Variants in MAP7 observed in about 807,000 individuals in gnomAD.
The protein encoded by MAP7 is microtubule associated protein 7.
Under a neutral mutation model 94.8 loss-of-function variants are expected in MAP7, and 52 were observed. That is an observed-to-expected ratio of 0.55 (90% CI 0.44 to 0.69). The LOEUF is 0.69. Among genes scored for constraint, MAP7 ranks in the 30% least tolerant of loss-of-function variants. The pLI is 0.00. For synonymous variants in MAP7, 350 were observed against 357.0 expected (o/e 0.98, Z 0.22); for missense variants, 940 against 964.6 (o/e 0.97, Z 0.34).
At chr6:136,375,985 A>G (rs1226880194) in intron 7 of MAP7, among the ~76,000 whole-genome samples, 2 of 152,250 alleles carry the variant, frequency 1.3e-5, no homozygotes, top group South Asian at 2.1e-4. Flanking sequence ...TGACAAAAAT[A>G]GTAAAGACAA....
intron 3 of MAP7, among the ~76,000 whole-genome samples, chr6:136,391,014 T>C (rs551129424): frequency 6.6e-6 from 1 of 152,290 alleles, no homozygotes; most frequent in Non-Finnish European, 1.5e-5. Flanking sequence ...GTCTTCAAGG[T>C]TCCTACCAAT....
In MAP7 at chr6:136,479,952, A is replaced by G. The variant is rs918618710; in HGVS notation, c.68-58153T>C. 4.5e-4 allele frequency among the ~76,000 whole-genome samples: 69 copies of G among 152,212 alleles called. 1 individual carries two copies. Among genetic ancestry groups the G allele is most frequent in the African/African-American group, 1.5e-3 (62 of 41,450 alleles). On this transcript the variant is annotated intron_variant, in intron 1 of 17. Coordinates refer to ENST00000354570, the MANE Select transcript of MAP7 (RefSeq NM_003980.6). ...AGTGCCCAGATTCAATGCAATTCCTATCAAAATACCAATGACATTCTTCAC... is the reference window on the plus strand; with the variant it reads ...AGTGCCCAGATTCAATGCAATTCCTGTCAAAATACCAATGACATTCTTCAC...
intron 1 of MAP7, among the ~76,000 whole-genome samples, chr6:136,516,881 G>A (rs550254046): frequency 6.6e-6 from 1 of 151,422 alleles, no homozygotes; most frequent in South Asian, 2.1e-4. Flanking sequence ...GCAGAAACCT[G>A]TCCATTAGCA....
intron 3 of MAP7, among the ~76,000 whole-genome samples, chr6:136,404,292 G>T (rs916870337): frequency 1.3e-5 from 2 of 151,042 alleles, no homozygotes; most frequent in African/African-American, 4.9e-5. Flanking sequence ...TAGTACTGCC[G>T]TCACTCACTG....
chr6:136,540,014 T>C (rs1157981611), intron 1 of MAP7, among the ~76,000 whole-genome samples: 1 of 152,070 alleles, frequency 6.6e-6, no homozygotes, highest in Non-Finnish European at 1.5e-5. Flanking sequence ...GACATTTCAG[T>C]GTGTAGAGCC....
chr6:136,504,381 C>G (rs538352249), intron 1 of MAP7, among the ~76,000 whole-genome samples: 7 of 151,942 alleles, frequency 4.6e-5, no homozygotes, highest in Admixed American at 3.9e-4. Flanking sequence ...CAGAGCCTCA[C>G]TCTGTCACCC....
chr6:136,410,515 C>A (rs2128737654), intron 3 of MAP7, among the ~76,000 whole-genome samples: 1 of 152,238 alleles, frequency 6.6e-6, no homozygotes, highest in Non-Finnish European at 1.5e-5. Flanking sequence ...TGCAGGGAAC[C>A]CATCAGGCCA....
At chr6:136,530,849 G>A (rs1011668564) in intron 1 of MAP7, among the ~76,000 whole-genome samples, 3 of 145,038 alleles carry the variant, frequency 2.1e-5, no homozygotes. Context: ...TAGCGGTGAT[G>A]CCATCAGCCA....
At chr6:136,512,393 T>C (rs1250178523) in intron 1 of MAP7, among the ~76,000 whole-genome samples, 1 of 152,194 alleles carries the variant, frequency 6.6e-6, no homozygotes, top group Admixed American at 6.5e-5. Flanking sequence ...AATACCAAAG[T>C]TTCTAAGACT....
rs563151694 is a variant in MAP7, at chr6:136,390,378, T to A, written c.245-861A>T. 3.3e-5 allele frequency among the ~76,000 whole-genome samples: 5 copies of A among 152,232 alleles called. No individual in the cohort carries two copies. The East Asian group carries it at 9.7e-4, about 29-fold the overall frequency. ...TTTTTAAAAGAAAAAACAGGCCAGG[T>A]GCAGTGGCTCATGCCTGTAATCCCA... On this transcript the variant is annotated intron_variant, in intron 3 of 17. Coordinates refer to ENST00000354570, the MANE Select transcript of MAP7 (RefSeq NM_003980.6).
At chr6:136,424,327 T>TA (rs5880295) in intron 1 of MAP7, among the ~76,000 whole-genome samples, 427 of 143,670 alleles carry the variant, frequency 3.0e-3, no homozygotes, top group Non-Finnish European at 4.7e-3. Flanking sequence ...TTCTTTCATT[T>TA]AAAAAAAAAA....
At chr6:136,367,730 A>G (rs1288247087) in intron 8 of MAP7, among the ~76,000 whole-genome samples, 1 of 152,146 alleles carries the variant, frequency 6.6e-6, no homozygotes, top group Non-Finnish European at 1.5e-5. Context: ...TAGGTCCCCA[A>G]AAGTAGGAGG....
chr6:136,400,341 G>A (rs1240657287), intron 3 of MAP7, among the ~76,000 whole-genome samples: 1 of 151,760 alleles, frequency 6.6e-6, no homozygotes, highest in East Asian at 1.9e-4. Context: ...ACTTGAACCT[G>A]GGAGGCGGAG....
chr6:136,505,750 G>C (rs1423739381), intron 1 of MAP7, among the ~76,000 whole-genome samples: 2 of 151,814 alleles, frequency 1.3e-5, no homozygotes, highest in Non-Finnish European at 2.9e-5. Flanking sequence ...TAGCAAATCT[G>C]CACATGTACC....
At chr6:136,503,411 G>T (rs1354850145) in intron 1 of MAP7, among the ~76,000 whole-genome samples, 1 of 151,236 alleles carries the variant, frequency 6.6e-6, no homozygotes, top group East Asian at 1.9e-4. Context: ...AAAAAAAAAG[G>T]GGGGTGGGGG....
chr6:136,483,402 T>C (rs1813567478), intron 1 of MAP7, among the ~76,000 whole-genome samples: 1 of 152,012 alleles, frequency 6.6e-6, no homozygotes, highest in Non-Finnish European at 1.5e-5. Context: ...ATACTACCTA[T>C]TGGGTACCAT....
chr6:136,358,867 G>C (rs775732005), intron 15 of MAP7, among the ~76,000 whole-genome samples: 1 of 152,118 alleles, frequency 6.6e-6, no homozygotes, highest in African/African-American at 2.4e-5. Flanking sequence ...CTGGGGGACC[G>C]GGGCCCCAGC....
At chr6:136,468,512 T>C (rs189185609) in intron 1 of MAP7, among the ~76,000 whole-genome samples, 101 of 152,294 alleles carry the variant, frequency 6.6e-4, no homozygotes, top group Admixed American at 9.2e-4. Flanking sequence ...ATATCATAAG[T>C]TGAAAAAGCA....
At chr6:136,394,687 T>C (rs1562349609) in intron 3 of MAP7, among the ~76,000 whole-genome samples, 1 of 151,566 alleles carries the variant, frequency 6.6e-6, no homozygotes, top group African/African-American at 2.4e-5. Flanking sequence ...TCTAGCTGTA[T>C]TTTGTAACCA....
Sources: allele counts gnomAD v4.1 joint callset (sites outside exome capture counted in the v4.1 genomes callset), GRCh38; gene constraint gnomAD v4.1.1; transcripts MANE v1.5; gene names NCBI Gene and HGNC (gene_info 2026-07-23, HGNC 2026-07-21).